SMG5: variants seen among roughly 807,000 people sequenced by gnomAD.
SMG5 encodes SMG5 nonsense mediated mRNA decay factor.
SMG5 carries 53 observed loss-of-function variants against 122.9 expected under a neutral mutation model. The ratio of observed to expected loss-of-function variants is 0.43; its 90% CI spans 0.35 to 0.54. SMG5 has a LOEUF of 0.54. SMG5 is among the 20% of genes least tolerant of loss of function. The pLI, the probability that SMG5 is intolerant of heterozygous loss-of-function variation, is 0.01. For synonymous variants in SMG5, 477 were observed against 490.2 expected (o/e 0.97, Z 0.35); for missense variants, 1,153 against 1,285.6 (o/e 0.90, Z 1.58).
chr1:156,278,649 G>C (rs1229253563), intron 2 of SMG5, among the ~76,000 whole-genome samples: 1 of 152,094 alleles, frequency 6.6e-6, no homozygotes, highest in Non-Finnish European at 1.5e-5. Flanking sequence ...TTACAAACGT[G>C]AGCCACTGTG....
chr1:156,277,511 C>CTT (rs550751703), intron 3 of SMG5, among the ~76,000 whole-genome samples: 40 of 133,056 alleles, frequency 3.0e-4, no homozygotes, highest in Non-Finnish European at 5.0e-4. Flanking sequence ...TTTCTGCTGT[C>CTT]TTTTTTTTTT....
rs1662223084 is a variant in SMG5 at position 156,267,771 on chromosome 1, G to A, written c.909-93C>T. ...ACAAGATTCAGAGAAAGGACTATGG[G>A]ATGCTGCAGGGGAGACCTGAGAGCA... is the stretch of plus-strand genomic sequence containing the variant. On this transcript the variant is annotated intron_variant, in intron 9 of 21. Transcript: ENST00000361813. The A allele has an allele frequency of 6.9e-6, 8 of 1,154,164 alleles. No individual in the cohort carries two copies. In the South Asian group the frequency reaches 1.0e-4, roughly 15 times the overall value. 71.5% of individuals were successfully genotyped at this position (1,154,164 alleles called of 1,614,324 possible).
Position 156,260,625 on chromosome 1 carries a change from G to A in SMG5, c.2109C>T (p.Gly703=). 6.7e-7 allele frequency: 1 copy of A among 1,499,748 alleles called. No individual in the cohort carries two copies. The highest frequency in any genetic ancestry group is 8.9e-7 in the Non-Finnish European group (1 of 1,128,462). The allele number at this position is 1,499,748 out of a possible 1,614,324, so 92.9% of individuals were successfully genotyped here. A position where few individuals can be genotyped will look rare whatever the true frequency, so the allele number is the denominator to read the frequency against. Residue 703 remains glycine, a splice_region_variant and synonymous_variant, in exon 15 of 22, where the codon GGC becomes GGT. Coordinates refer to ENST00000361813, the MANE Select transcript of SMG5 (RefSeq NM_015327.3). ...CTTGGACCTCAGGACACAAGGCCAG[G>A]CCTGGGCAGAAGAAGGACACATAAG... is the stretch of plus-strand genomic sequence containing the variant. ...LPAAGELQES[G]LALCPEVQDL...
chr1:156,279,923 C>T (rs1037941915), intron 1 of SMG5, among the ~76,000 whole-genome samples: 2 of 152,158 alleles, frequency 1.3e-5, no homozygotes, highest in African/African-American at 4.8e-5. Flanking sequence ...GCTATGTGGT[C>T]CTGGGCAAAA....
chr1:156,265,643 G>T, intron 12 of SMG5, 138 bp downstream of exon 12: 1 of 1,304,692 alleles, frequency 7.7e-7, no homozygotes, highest in African/African-American at 1.5e-5. Context: ...AAAACTCATG[G>T]GCTACACCAC....
intron 19 of SMG5, among the ~76,000 whole-genome samples, chr1:156,252,186 T>G (rs1489091813): frequency 3.9e-5 from 6 of 152,200 alleles, no homozygotes; most frequent in Non-Finnish European, 7.4e-5. Context: ...AGCAGCTCAG[T>G]GCTCCCCACA....
At position 156,278,940 on chromosome 1, in the gene SMG5, T is replaced by G. The variant is rs778056643; in HGVS notation, c.169A>C (p.Asn57His). The change falls in exon 2 of 22, where the codon AAC (asparagine) becomes CAC (histidine). Residue 57 changes from asparagine to histidine, a missense_variant. Transcript: ENST00000361813. ...GGTTTAGAGTCTCTAGCTTACTTGT[T>G]CCTCAGGCTAATGTTTTCTGGTTTG... ...VFKPENISLRNKLRELCVKLM... is the reference protein window; with the variant it reads ...VFKPENISLRHKLRELCVKLM... 6.2e-7 allele frequency: 1 copy of G among 1,613,706 alleles called. No homozygotes were observed. The highest frequency in any genetic ancestry group is 1.1e-5 in the South Asian group (1 of 91,068).
the SMG5 span, among the ~76,000 whole-genome samples, chr1:156,289,749 G>A: frequency 7.9e-5 from 12 of 152,244 alleles, no homozygotes; most frequent in African/African-American, 2.7e-4. Context: ...CATGAATCAT[G>A]TAATAAGTGG....
At chr1:156,267,325 G>A in intron 10 of SMG5, 145 bp downstream of exon 10, 1 of 735,036 alleles carries the variant, frequency 1.4e-6, no homozygotes. Context: ...GGATCCCTTG[G>A]CCCTTACTTG....
chr1:156,265,926 C>T lies in SMG5; in HGVS notation c.1710G>A (p.Met570Ile). 6.2e-7 allele frequency: 1 copy of T among 1,614,202 alleles called. No homozygotes were observed. Among genetic ancestry groups the T allele is most frequent in the Non-Finnish European group, 8.5e-7 (1 of 1,180,032 alleles). ...EASIASNLQAMSTQMFQTKRC... is the reference protein window; with the variant it reads ...EASIASNLQAISTQMFQTKRC... ...GCTTAGTCTGGAACATCTGGGTGGA[C>T]ATGGCTTGTAGATTGCTGGCAATGC... The change falls in exon 12 of 22, where the codon ATG (methionine) becomes ATA (isoleucine). Residue 570 changes from methionine (M) to isoleucine (I), a missense_variant. Physicochemically the swap from Met to Ile is conservative, Grantham distance 10 (BLOSUM62 1). Around this residue, in one of 5 missense-constraint regions of SMG5, gnomAD observed 631 missense variants for 650.6 expected, o/e 0.97. Coordinates refer to ENST00000361813, the MANE Select transcript of SMG5 (RefSeq NM_015327.3).
chr1:156,275,131 TA>T (rs760480249), intron 4 of SMG5, among the ~76,000 whole-genome samples: 1,032 of 86,878 alleles, frequency 0.012, 9 homozygotes, highest in African/African-American at 0.04. Context: ...TGACGCCAAT[TA>T]AAAAAAAAAA....
chr1:156,282,567 C>T (rs2101581411), intron 1 of SMG5, 40 bp downstream of exon 1: 1 of 1,580,652 alleles, frequency 6.3e-7, no homozygotes, highest in East Asian at 2.3e-5. Flanking sequence ...CGTCTCCCCA[C>T]TTCCCTCGGT....
chr1:156,260,118 G>A (rs749561370), intron 15 of SMG5, among the ~76,000 whole-genome samples: 8 of 152,146 alleles, frequency 5.3e-5, no homozygotes, highest in Non-Finnish European at 1.0e-4. Context: ...CTCGGAGCAG[G>A]CTGGGCCCAG....
At position 156,266,527 on chromosome 1, in the gene SMG5, C is replaced by T; in HGVS notation, c.1255+14G>A. The stretch of plus-strand genomic sequence containing the variant: ...CCAACCTTTCCATAGTGATGACCTC[C>T]CCGATTCTCCCACCTGTGCCATCAC... On this transcript the variant is annotated intron_variant, in intron 11 of 21. Transcript: ENST00000361813. 1.2e-6 allele frequency: 2 copies of T among 1,614,158 alleles called. No homozygotes were observed. Among genetic ancestry groups the T allele is most frequent in the Non-Finnish European group, 1.7e-6 (2 of 1,180,032 alleles).
Position 156,263,577 on chromosome 1 carries a change from G to A in SMG5, c.1856-7C>T. 2 of 1,611,220 alleles carry A rather than the reference G, an allele frequency of 1.2e-6. No individual in the cohort carries two copies. The highest frequency in any genetic ancestry group is 1.7e-6 in the Non-Finnish European group (2 of 1,178,032). On this transcript the variant is annotated splice_polypyrimidine_tract_variant and splice_region_variant and intron_variant, in intron 12 of 21. Transcript: ENST00000361813. ...TCAGAGCCCTCCTCAGAGGCTGGGG[G>A]GTGGGTGAATGGAAGAGAAAAAAAC...
At chr1:156,263,351 A>G (rs1661946669) in intron 13 of SMG5, 44 bp downstream of exon 13, 1 of 1,573,462 alleles carries the variant, frequency 6.4e-7, no homozygotes, top group Non-Finnish European at 8.7e-7. Flanking sequence ...CCCCTCCTCC[A>G]AGACCCTGGG....
intron 15 of SMG5, among the ~76,000 whole-genome samples, chr1:156,259,568 T>C (rs1479139637): frequency 6.6e-6 from 1 of 152,166 alleles, no homozygotes; most frequent in East Asian, 1.9e-4. Context: ...CTCGCTTTGT[T>C]ACCCAGTCTG....
upstream of SMG5, chr1:156,285,725 C>A: frequency 1.2e-6 from 2 of 1,613,234 alleles, no homozygotes; most frequent in African/African-American, 2.7e-5. Flanking sequence ...GGTCACCCAC[C>A]CCGACCCCAC....
intron 12 of SMG5, among the ~76,000 whole-genome samples, chr1:156,265,340 G>A (rs1662076846): frequency 6.6e-6 from 1 of 152,138 alleles, no homozygotes; most frequent in African/African-American, 2.4e-5. Context: ...GATGCATAGA[G>A]TAGCCTTAAC....
Sources: allele counts gnomAD v4.1 joint callset (sites outside exome capture counted in the v4.1 genomes callset), GRCh38; gene constraint gnomAD v4.1.1; regional missense constraint gnomAD v4.1.1; transcripts MANE v1.5; gene names NCBI Gene and HGNC (gene_info 2026-07-23, HGNC 2026-07-21).